The following FSTL4 variants were observed in gnomAD, a reference collection of about 807,000 sequenced individuals.
The protein encoded by FSTL4 is follistatin-related protein 4.
In FSTL4, 28 loss-of-function variants were observed where a neutral mutation model predicts 78.2. The observed-to-expected ratio is 0.36, with a 90% CI of 0.27 to 0.49. The LOEUF is 0.49. FSTL4 is among the 20% of genes least tolerant of loss of function. The probability of loss-of-function intolerance (pLI) is 0.98; values close to 1 mark genes in which losing one functional copy is unlikely to be tolerated. For synonymous variants in FSTL4, 422 were observed against 440.5 expected (o/e 0.96, Z 0.53); for missense variants, 922 against 1,084.9 (o/e 0.85, Z 2.11).
At chr5:133,787,124 G>T in the FSTL4 span, among the ~76,000 whole-genome samples, 1 of 152,116 alleles carries the variant, frequency 6.6e-6, no homozygotes, top group Non-Finnish European at 1.5e-5. Flanking sequence ...CAATCAGCAA[G>T]CATTTTAGGG....
intron 3 of FSTL4, among the ~76,000 whole-genome samples, chr5:133,549,850 G>A (rs1759657527): frequency 6.6e-6 from 1 of 152,174 alleles, no homozygotes; most frequent in Non-Finnish European, 1.5e-5. Context: ...CAGCATCAAG[G>A]TTTAAGGCAG....
At chr5:133,557,222 C>G (rs920775833) in intron 3 of FSTL4, among the ~76,000 whole-genome samples, 1 of 152,186 alleles carries the variant, frequency 6.6e-6, no homozygotes, top group Non-Finnish European at 1.5e-5. Flanking sequence ...CTTGGGTCAA[C>G]TGCTTAATCT....
intron 6 of FSTL4, among the ~76,000 whole-genome samples, chr5:133,311,357 G>A (rs1271144374): frequency 2.0e-5 from 3 of 152,140 alleles, no homozygotes; most frequent in African/African-American, 7.2e-5. Flanking sequence ...GGATGACGGG[G>A]ACCCTGCACA....
the FSTL4 span, among the ~76,000 whole-genome samples, chr5:133,704,920 C>T: frequency 7.9e-5 from 12 of 152,224 alleles, no homozygotes; most frequent in Admixed American, 1.3e-4. Context: ...AACATGAAAA[C>T]GCATTTGCCT....
the FSTL4 span, among the ~76,000 whole-genome samples, chr5:133,712,428 C>T: frequency 2.0e-5 from 3 of 152,120 alleles, no homozygotes; most frequent in East Asian, 1.9e-4. Context: ...AAGAGTGGGT[C>T]GAGAGCTGAT....
intron 6 of FSTL4, among the ~76,000 whole-genome samples, chr5:133,282,674 A>G (rs972853872): frequency 6.6e-6 from 1 of 152,028 alleles, no homozygotes; most frequent in Non-Finnish European, 1.5e-5. Flanking sequence ...TGTACCCTGA[A>G]CAGAGACCTG....
At chr5:133,773,101 G>T in the FSTL4 span, among the ~76,000 whole-genome samples, 7 of 151,782 alleles carry the variant, frequency 4.6e-5, 1 homozygote, top group South Asian at 8.3e-4. Flanking sequence ...TGCTATTTAT[G>T]GGAAAAAATT....
intron 4 of FSTL4, among the ~76,000 whole-genome samples, chr5:133,337,500 C>A (rs1225934478): frequency 6.6e-6 from 1 of 152,130 alleles, no homozygotes; most frequent in Non-Finnish European, 1.5e-5. Flanking sequence ...TGGATTGCAT[C>A]CACCTGAGCA....
the FSTL4 span, among the ~76,000 whole-genome samples, chr5:133,765,598 TGAGA>T: frequency 2.6e-5 from 4 of 152,100 alleles, no homozygotes; most frequent in South Asian, 6.2e-4. Flanking sequence ...GCTATCAGTG[TGAGA>T]GAGTCCATCA....
In FSTL4 at chr5:133,220,921, G is replaced by C. The variant is rs1299685044; in HGVS notation, c.1340-55C>G. 6 of 997,982 alleles carry C rather than the reference G, an allele frequency of 6.0e-6. No homozygotes were observed. The South Asian group carries it at 7.6e-5, about 13-fold the overall frequency. 61.8% of individuals were successfully genotyped at this position (997,982 alleles called of 1,614,324 possible). A position where few individuals can be genotyped will look rare whatever the true frequency, so the allele number is the denominator to read the frequency against. ...CTCCAAGCAGTCGGCCCCTGGGCAG[G>C]GTCACACGCAGCATTGAACACACAA... On this transcript the variant is annotated intron_variant, in intron 11 of 15. Coordinates refer to ENST00000265342, the MANE Select transcript of FSTL4 (RefSeq NM_015082.2).
At chr5:133,319,818 G>A (rs755313) in intron 4 of FSTL4, among the ~76,000 whole-genome samples, 1,839 of 152,242 alleles carry the variant, frequency 0.012, 51 homozygotes, top group African/African-American at 0.043. Flanking sequence ...TTTACCCCAG[G>A]AGCAACTGTG....
intron 4 of FSTL4, among the ~76,000 whole-genome samples, chr5:133,375,301 T>C (rs1225379961): frequency 1.6e-5 from 2 of 128,322 alleles, no homozygotes; most frequent in East Asian, 4.1e-4. Flanking sequence ...CATATATATA[T>C]ATATATATAT....
chr5:133,233,995 G>T (rs571958343), intron 7 of FSTL4, among the ~76,000 whole-genome samples: 18 of 152,248 alleles, frequency 1.2e-4, no homozygotes, highest in Admixed American at 7.8e-4. Context: ...TGGCTTCATG[G>T]GTAGCACAGT....
At chr5:133,774,751 A>G in the FSTL4 span, among the ~76,000 whole-genome samples, 2 of 152,228 alleles carry the variant, frequency 1.3e-5, no homozygotes, top group African/African-American at 4.8e-5. Flanking sequence ...CTGTCATAGT[A>G]TAGCCTTAAT....
At chr5:133,636,144 G>T in the FSTL4 span, among the ~76,000 whole-genome samples, 9 of 152,186 alleles carry the variant, frequency 5.9e-5, no homozygotes, top group Non-Finnish European at 1.3e-4. Context: ...TTTCGTAGAA[G>T]ATATTTACTG....
At chr5:133,231,670 G>A (rs1751498329) in intron 8 of FSTL4, among the ~76,000 whole-genome samples, 2 of 152,170 alleles carry the variant, frequency 1.3e-5, no homozygotes, top group African/African-American at 4.8e-5. Flanking sequence ...AGCCTCCCAA[G>A]TAGCTGGGAT....
At chr5:133,651,046 G>T in the FSTL4 span, among the ~76,000 whole-genome samples, 7 of 152,064 alleles carry the variant, frequency 4.6e-5, no homozygotes, top group Non-Finnish European at 7.4e-5. Context: ...CATGTTGCTG[G>T]CATACAGAAA....
At chr5:133,521,044 AT>A (rs35190273) in intron 3 of FSTL4, among the ~76,000 whole-genome samples, 9 of 151,588 alleles carry the variant, frequency 5.9e-5, no homozygotes, top group Non-Finnish European at 1.3e-4. Flanking sequence ...CCTTAAAGAA[AT>A]TTTTTTTTCA....
the FSTL4 span, among the ~76,000 whole-genome samples, chr5:133,797,134 G>A: frequency 2.0e-5 from 3 of 152,210 alleles, no homozygotes; most frequent in African/African-American, 7.2e-5. Flanking sequence ...CTGACAAAGG[G>A]CACCCCAGGC....
Sources: allele counts gnomAD v4.1 joint callset (sites outside exome capture counted in the v4.1 genomes callset), GRCh38; gene constraint gnomAD v4.1.1; transcripts MANE v1.5; gene names NCBI Gene and HGNC (gene_info 2026-07-23, HGNC 2026-07-21).